The following CRACDL variants were observed in gnomAD, a reference collection of about 807,000 sequenced individuals.
The protein encoded by CRACDL is CRACD-like protein.
Under a neutral mutation model 70.6 loss-of-function variants are expected in CRACDL, and 26 were observed. The ratio of observed to expected loss-of-function variants is 0.37; its 90% CI spans 0.27 to 0.51. The LOEUF is 0.51. CRACDL is among the 20% of genes least tolerant of loss of function. The pLI, the probability that CRACDL is intolerant of heterozygous loss-of-function variation, is 0.94. For synonymous variants in CRACDL, 618 were observed against 615.2 expected, an observed-to-expected ratio of 1.00 and a Z score of -0.07; for missense variants, 1,283 against 1,376.9, an observed-to-expected ratio of 0.93 and a Z score of 1.08.
rs946702801 is a variant in CRACDL, at chr2:98,822,654, G to T, written c.1619C>A (p.Pro540His). ...LDAEAAAPER[P>H]KAERAEAPPA... ...TGGCGCCTCGGCTCGCTCGGCCTTG[G>T]GGCGCTCCGGGGCGGCGGCCTCTGC... Residue 540 changes from proline to histidine, a missense_variant, in exon 7 of 10, where the codon CCC becomes CAC. By Grantham distance (77) the Pro-to-His change is moderately conservative. Around this residue, in one of 2 missense-constraint regions of CRACDL, gnomAD observed 921 missense variants for 881.9 expected, o/e 1.04. Coordinates refer to ENST00000397899, the MANE Select transcript of CRACDL (RefSeq NM_207362.3). The surrounding 1 kb of genome is among the most constrained non-coding windows in gnomAD (Gnocchi z 4.9). 7.7e-7 allele frequency: 1 copy of T among 1,292,642 alleles called. No individual in the cohort carries two copies. Among genetic ancestry groups the T allele is most frequent in the Non-Finnish European group, 9.8e-7 (1 of 1,025,434 alleles). The allele number at this position is 1,292,642 out of a possible 1,614,324, so 80.1% of individuals were successfully genotyped here. A position where few individuals can be genotyped will look rare whatever the true frequency, so the allele number is the denominator to read the frequency against.
intron 1 of CRACDL, among the ~76,000 whole-genome samples, chr2:98,886,724 A>G (rs1707805838): frequency 6.6e-6 from 1 of 152,200 alleles, no homozygotes; most frequent in South Asian, 2.1e-4. Flanking sequence ...AAAAATATAA[A>G]CCTTACAGAA....
At position 98,823,571 on chromosome 2, in the gene CRACDL, A is replaced by G. The variant is rs373877005; in HGVS notation, c.736-34T>C. On this transcript the variant is annotated intron_variant, in intron 6 of 9. Transcript: ENST00000397899. This position sits in a 1 kb window ranked among gnomAD's most constrained non-coding sequence, Gnocchi z 4.0. ...AATAAAGATAAAAAGCATCGTCGCT[A>G]TAGCCAATTCCAGGAAGCCTGTCAC... 2.7e-4 allele frequency: 422 copies of G among 1,539,044 alleles called. No homozygotes were observed. Among genetic ancestry groups the G allele is most frequent in the Non-Finnish European group, 3.4e-4 (396 of 1,148,776 alleles).
At chr2:98,869,159 G>A in intron 1 of CRACDL, 1 of 1,304,340 alleles carries the variant, frequency 7.7e-7, no homozygotes, top group Non-Finnish European at 1.0e-6. Flanking sequence ...CATCCTCCTG[G>A]AAGCTAGCAG....
chr2:98,896,897 C>A (rs1415640909), intron 1 of CRACDL, among the ~76,000 whole-genome samples: 1 of 152,190 alleles, frequency 6.6e-6, no homozygotes, highest in Non-Finnish European at 1.5e-5. Flanking sequence ...TGACTGTACT[C>A]TCTCTCCCTT....
chr2:98,890,403 G>C lies in CRACDL; in HGVS notation c.-10-43593C>G, dbSNP rs115324502. On this transcript the variant is annotated intron_variant, in intron 1 of 9. Transcript: ENST00000397899. ...TGCCAACAAGCTAGATAACCTAAAT[G>C]GTCAAATTTCTAGAAAGACACAAAC... 5.6e-4 allele frequency among the ~76,000 whole-genome samples: 85 copies of C among 152,174 alleles called. 1 individual carries two copies. The highest frequency in any genetic ancestry group is 2.0e-3 in the African/African-American group (81 of 41,524).
intron 1 of CRACDL, among the ~76,000 whole-genome samples, chr2:98,905,464 A>G (rs1708388206): frequency 6.6e-6 from 1 of 152,110 alleles, no homozygotes; most frequent in Non-Finnish European, 1.5e-5. Context: ...AGTCTCAGAT[A>G]TTCTTTTATA....
chr2:98,794,044 C>A lies in CRACDL; in HGVS notation c.*488G>T, dbSNP rs1703700987. 6.5e-6 allele frequency: 1 copy of A among 152,734 alleles called. No homozygotes were observed. The highest frequency in any genetic ancestry group is 2.4e-5 in the African/African-American group (1 of 41,428). 9.5% of individuals were successfully genotyped at this position (152,734 alleles called of 1,614,324 possible). A position where few individuals can be genotyped will look rare whatever the true frequency, so the allele number is the denominator to read the frequency against. ...TATAGCTGCTCTTGGAAACGGCATCCCTGTTTTGCCATGAATGTCATGCCT... is the reference window on the plus strand; with the variant it reads ...TATAGCTGCTCTTGGAAACGGCATCACTGTTTTGCCATGAATGTCATGCCT... On this transcript the variant is annotated 3_prime_UTR_variant, in exon 10 of 10. Transcript: ENST00000397899.
intron 1 of CRACDL, among the ~76,000 whole-genome samples, chr2:98,924,806 C>T (rs1283714026): frequency 2.0e-5 from 3 of 152,196 alleles, no homozygotes; most frequent in Admixed American, 2.0e-4. Context: ...CCTTAGCCCC[C>T]CAAAAAGGGG....
At chr2:98,874,456 G>A (rs761662497) in intron 1 of CRACDL, among the ~76,000 whole-genome samples, 5 of 152,214 alleles carry the variant, frequency 3.3e-5, no homozygotes, top group South Asian at 2.1e-4. Context: ...GGCTCCGCAC[G>A]GGCTGCTGGG....
intron 1 of CRACDL, among the ~76,000 whole-genome samples, chr2:98,878,393 T>C (rs1707545654): frequency 6.6e-6 from 1 of 152,190 alleles, no homozygotes; most frequent in African/African-American, 2.4e-5. Flanking sequence ...TTGCCTACAG[T>C]GTTCAGTATA....
chr2:98,925,943 G>A (rs1183362853), intron 1 of CRACDL, among the ~76,000 whole-genome samples: 2 of 152,080 alleles, frequency 1.3e-5, no homozygotes, highest in Admixed American at 1.3e-4. Context: ...GTGGGCAGGA[G>A]GGAGAGGTTA....
intron 1 of CRACDL, among the ~76,000 whole-genome samples, chr2:98,905,415 C>T (rs1708386894): frequency 6.6e-6 from 1 of 152,132 alleles, no homozygotes; most frequent in South Asian, 2.1e-4. Flanking sequence ...GTCTGCAGAA[C>T]CATGAGTCAA....
intron 7 of CRACDL, among the ~76,000 whole-genome samples, chr2:98,812,600 CTAA>C (rs1704619497): frequency 6.6e-6 from 1 of 152,042 alleles, no homozygotes; most frequent in African/African-American, 2.4e-5. Flanking sequence ...TCCCTAATGG[CTAA>C]TGATGGTAAG....
rs188612735 is a variant in CRACDL at position 98,849,050 on chromosome 2, G to A, written c.-10-2240C>T. On this transcript the variant is annotated intron_variant, in intron 1 of 9. Transcript: ENST00000397899. The stretch of plus-strand genomic sequence containing the variant: ...CCCACGTGGTTCCCACCTCTTGCAG[G>A]TGCTGACCCAGTGAAGGGCAGAGCC... 4.7e-4 allele frequency among the ~76,000 whole-genome samples: 71 copies of A among 152,348 alleles called. 1 individual carries two copies. Among genetic ancestry groups the A allele is most frequent in the Non-Finnish European group, 7.3e-4 (50 of 68,032 alleles).
rs1038751047 is a variant in CRACDL at position 98,874,830 on chromosome 2, G to A, written c.-10-28020C>T. Among the ~76,000 whole-genome samples the A allele has an allele frequency of 9.2e-5, 14 of 152,268 alleles. 1 individual carries two copies. In the Middle Eastern group the frequency reaches 0.014, roughly 148 times the overall value. On this transcript the variant is annotated intron_variant, in intron 1 of 9. Transcript: ENST00000397899. ...CAAAGAAAGTCCCATCCTCGTTACTGATCACTTCATGCTGTTTCCAAGGGT... is the reference window on the plus strand; with the variant it reads ...CAAAGAAAGTCCCATCCTCGTTACTAATCACTTCATGCTGTTTCCAAGGGT...
At chr2:98,838,072 C>A (rs373590072) in intron 3 of CRACDL, 47 bp downstream of exon 3, 64 of 1,498,908 alleles carry the variant, frequency 4.3e-5, no homozygotes, top group Non-Finnish European at 5.6e-5. Flanking sequence ...ATAATGAAAT[C>A]ATGTATTTAG....
chr2:98,832,624 G>T, intron 4 of CRACDL, 112 bp from the exon 5 acceptor site: 1 of 1,110,792 alleles, frequency 9.0e-7, no homozygotes, highest in Non-Finnish European at 1.3e-6. Flanking sequence ...TTGGTGTGGT[G>T]CAGAGAACTG....
chr2:98,918,158 G>A (rs1474084653), intron 1 of CRACDL, among the ~76,000 whole-genome samples: 1 of 152,072 alleles, frequency 6.6e-6, no homozygotes, highest in Admixed American at 6.5e-5. Context: ...TACTGAATTG[G>A]ATGGTAGTTC....
intron 1 of CRACDL, among the ~76,000 whole-genome samples, chr2:98,931,872 G>A (rs1264530033): frequency 6.6e-6 from 1 of 152,060 alleles, no homozygotes; most frequent in Non-Finnish European, 1.5e-5. Flanking sequence ...AAATTCACTG[G>A]GCACCGACAG....
Sources: allele counts gnomAD v4.1 joint callset (sites outside exome capture counted in the v4.1 genomes callset), GRCh38; gene constraint gnomAD v4.1.1; regional missense constraint gnomAD v4.1.1; non-coding constraint Gnocchi (gnomAD v3.1); transcripts MANE v1.5; gene names NCBI Gene and HGNC (gene_info 2026-07-23, HGNC 2026-07-21).